TCHP: variants seen among roughly 807,000 people sequenced by gnomAD.
TCHP encodes trichoplein keratin filament binding.
A neutral mutation model predicts 88.7 loss-of-function variants in TCHP; 81 were observed. The ratio of observed to expected loss-of-function variants is 0.91; its 90% CI spans 0.76 to 1.10. The LOEUF (loss-of-function observed/expected upper bound fraction) is 1.10. TCHP is among the 50% of genes least tolerant of loss of function. The pLI, the probability that TCHP is intolerant of heterozygous loss-of-function variation, is 0.00. For synonymous variants in TCHP, 232 were observed against 232.5 expected, an observed-to-expected ratio of 1.00 and a Z score of 0.02; for missense variants, 641 against 632.1, an observed-to-expected ratio of 1.01 and a Z score of -0.15.
chr12:109,894,012 C>T, the TCHP span, among the ~76,000 whole-genome samples: 1 of 151,682 alleles, frequency 6.6e-6, no homozygotes, highest in Non-Finnish European at 1.5e-5. Context: ...GGTGAAATGC[C>T]ATCTCTACTA....
chr12:109,915,126 C>T, intron 11 of TCHP: 1 of 542,572 alleles, frequency 1.8e-6, no homozygotes, highest in Non-Finnish European at 3.3e-6. Context: ...ACAGCCTCTC[C>T]AGCTTTCCAC....
intron 8 of TCHP, among the ~76,000 whole-genome samples, chr12:109,909,972 GAACAAC>G (rs1214042854): frequency 1.3e-5 from 2 of 151,490 alleles, no homozygotes; most frequent in Non-Finnish European, 2.9e-5. Context: ...CTCAAAACAA[GAACAAC>G]AACAACAAAA....
chr12:109,914,401 G>A, intron 10 of TCHP, 41 bp from the exon 11 acceptor site: 1 of 1,567,102 alleles, frequency 6.4e-7, no homozygotes, highest in Non-Finnish European at 8.7e-7. Flanking sequence ...GATCTGTTAG[G>A]GTCAACCTCA....
chr12:109,898,897 C>A (rs1835083187), upstream of TCHP, among the ~76,000 whole-genome samples: 1 of 152,206 alleles, frequency 6.6e-6, no homozygotes, highest in African/African-American at 2.4e-5. Context: ...TGGCTCACTG[C>A]AACCTCTGCC....
chr12:109,904,084 G>T lies in TCHP; in HGVS notation c.336G>T (p.Gln112His). 6.3e-7 allele frequency: 1 copy of T among 1,599,476 alleles called. No individual in the cohort carries two copies. Among genetic ancestry groups the T allele is most frequent in the East Asian group, 2.3e-5 (1 of 44,246 alleles). The change falls in exon 3 of 13, where the codon CAG becomes CAT. Residue 112 changes from glutamine (Q) to histidine (H), a missense_variant. By Grantham distance (24) the Gln-to-His change is conservative (BLOSUM62 0). Transcript: ENST00000405876. ...AGCTGAGGCTGAGCATGAACTTGCAGGAAAGAAGAATCCGGGAGCAGCACG... is the reference window on the plus strand; with the variant it reads ...AGCTGAGGCTGAGCATGAACTTGCATGAAAGAAGAATCCGGGAGCAGCACG... ...LEELRLSMNL[Q>H]ERRIREQHGK...
At chr12:109,910,322 T>C (rs1192115935) in intron 8 of TCHP, among the ~76,000 whole-genome samples, 1 of 152,128 alleles carries the variant, frequency 6.6e-6, no homozygotes, top group East Asian at 1.9e-4. Context: ...TTGGTCCTGG[T>C]GTGCAGCTGT....
Position 109,913,062 on chromosome 12 carries a change from T to C in TCHP, c.1124T>C (p.Leu375Pro). Residue 375 changes from leucine (L) to proline (P), a missense_variant, in exon 10 of 13, where the codon CTG becomes CCG. Coordinates refer to ENST00000405876, the MANE Select transcript of TCHP (RefSeq NM_001143852.2). ...CGAGAGCGCAGCGCACGGGACAGAC[T>C]GATGAGCGAGGTAATCCCAGCTGCG... ...WARERSARDR[L>P]MSEVLTGRQQ... 6.2e-7 allele frequency: 1 copy of C among 1,613,828 alleles called. No individual in the cohort carries two copies. The highest frequency in any genetic ancestry group is 8.5e-7 in the Non-Finnish European group (1 of 1,179,998).
upstream of TCHP, among the ~76,000 whole-genome samples, chr12:109,899,134 C>T (rs905912506): frequency 6.6e-6 from 1 of 151,994 alleles, no homozygotes; most frequent in Admixed American, 6.6e-5. Context: ...CATGATGCTG[C>T]ATCCAGGAAA....
chr12:109,885,484 T>TG, the TCHP span, among the ~76,000 whole-genome samples: 1 of 148,116 alleles, frequency 6.8e-6, no homozygotes, highest in Non-Finnish European at 1.5e-5. Flanking sequence ...GATGGTTTTT[T>TG]TTTTTTTTTT....
At chr12:109,908,554 C>A (rs1329683708) in intron 6 of TCHP, 32 bp from the exon 7 acceptor site, 2 of 1,538,738 alleles carry the variant, frequency 1.3e-6, no homozygotes, top group Admixed American at 3.9e-5. Context: ...GATCTCAGAT[C>A]TCAGTCGAGC....
chr12:109,907,757 T>A, intron 6 of TCHP, 58 bp downstream of exon 6: 2 of 1,535,502 alleles, frequency 1.3e-6, no homozygotes, highest in Non-Finnish European at 1.8e-6. Flanking sequence ...TAGCATGAGA[T>A]GGGCACTTGA....
At position 109,908,583 on chromosome 12, in the gene TCHP, C is replaced by T. The variant is rs2136074925; in HGVS notation, c.700-3C>T. ...GTCGAGCTTACTCTCATCATCACCA[C>T]AGGCGACCAAACTAAAGAAGGAGCA... is the stretch of plus-strand genomic sequence containing the variant. On this transcript the variant is annotated splice_polypyrimidine_tract_variant and splice_region_variant and intron_variant, in intron 6 of 12. Coordinates refer to ENST00000405876, the MANE Select transcript of TCHP (RefSeq NM_001143852.2). 1.3e-6 allele frequency: 2 copies of T among 1,593,636 alleles called. No individual in the cohort carries two copies. The highest frequency in any genetic ancestry group is 1.3e-5 in the African/African-American group (1 of 74,968).
At chr12:109,908,460 G>A (rs1472465731) in intron 6 of TCHP, 126 bp from the exon 7 acceptor site, 8 of 743,276 alleles carry the variant, frequency 1.1e-5, no homozygotes, top group Admixed American at 4.5e-5. Context: ...GGAGGGGATC[G>A]TGACCACCTG....
chr12:109,912,880 C>T (rs1870583617), intron 9 of TCHP, 111 bp from the exon 10 acceptor site: 2 of 779,020 alleles, frequency 2.6e-6, no homozygotes, highest in South Asian at 1.4e-5. Flanking sequence ...GGATGTTTAT[C>T]TGCAGTGTGG....
Position 109,915,275 on chromosome 12 carries a change from C to T in TCHP, c.1321-128C>T, listed in dbSNP as rs190480258. The T allele has an allele frequency of 1.9e-4, 241 of 1,265,128 alleles. 1 individual carries two copies. The East Asian group carries it at 4.1e-3, about 22-fold the overall frequency. 78.4% of individuals were successfully genotyped at this position (1,265,128 alleles called of 1,614,324 possible). On this transcript the variant is annotated intron_variant, in intron 11 of 12. Transcript: ENST00000405876. ...GCATGCTCCCTTCCGTTCCTTGGCA[C>T]GTGCATTGCTGTTGCTCAGCTGGAT...
Position 109,917,376 on chromosome 12 carries a change from G to T in TCHP, c.*753G>T, listed in dbSNP as rs1214809134. The T allele has an allele frequency of 6.6e-6, 1 of 152,206 alleles. No individual in the cohort carries two copies. Among genetic ancestry groups the T allele is most frequent in the East Asian group, 1.9e-4 (1 of 5,202 alleles). 9.4% of individuals were successfully genotyped at this position (152,206 alleles called of 1,614,324 possible). A position where few individuals can be genotyped will look rare whatever the true frequency, so the allele number is the denominator to read the frequency against. On this transcript the variant is annotated 3_prime_UTR_variant, in exon 13 of 13. Coordinates refer to ENST00000405876, the MANE Select transcript of TCHP (RefSeq NM_001143852.2). The stretch of plus-strand genomic sequence containing the variant: ...GCCTTTAGTCCCAGCTACCCGGGAG[G>T]CTGCGGCAAGAGGATTGCTTGAGCC...
chr12:109,915,377 G>C (rs200022479), intron 11 of TCHP, 26 bp from the exon 12 acceptor site: 1 of 1,614,068 alleles, frequency 6.2e-7, no homozygotes, highest in South Asian at 1.1e-5. Flanking sequence ...TTGTCTTGGG[G>C]TGGTGACTTT....
In TCHP at chr12:109,904,027, G is replaced by A. The variant is rs1004952636; in HGVS notation, c.279G>A (p.Glu93=). ...RREKLRQLMQ[E]EQDLLARELE... is the part of the protein sequence containing the mutation. ...AAAAGCTCAGGCAGCTCATGCAGGA[G>A]GAGCAGGACCTGCTGGCCAGAGAAC... Residue 93 remains glutamate, a synonymous_variant, in exon 3 of 13, where the codon GAG becomes GAA. Transcript: ENST00000405876. 9.3e-6 allele frequency: 15 copies of A among 1,609,222 alleles called. No individual in the cohort carries two copies. The highest frequency in any genetic ancestry group is 1.3e-5 in the Non-Finnish European group (15 of 1,177,916).
chr12:109,899,019 A>T (rs1328225183), upstream of TCHP, among the ~76,000 whole-genome samples: 1 of 151,810 alleles, frequency 6.6e-6, no homozygotes, highest in East Asian at 2.0e-4. Flanking sequence ...GGGTTTCATC[A>T]TGTTGGCCAG....
Sources: allele counts gnomAD v4.1 joint callset (sites outside exome capture counted in the v4.1 genomes callset), GRCh38; gene constraint gnomAD v4.1.1; transcripts MANE v1.5; gene names NCBI Gene and HGNC (gene_info 2026-07-23, HGNC 2026-07-21).